Variants in MYO1D observed in about 807,000 individuals in gnomAD.
MYO1D encodes the protein unconventional myosin-Id.
MYO1D carries 83 observed loss-of-function variants against 122.0 expected under a neutral mutation model. That is an observed-to-expected ratio of 0.68 (90% CI 0.57 to 0.82). MYO1D has a LOEUF of 0.82. Ranked by LOEUF, MYO1D falls within the 40% of genes least tolerant of loss-of-function variation. The pLI is 0.00. For missense variants in MYO1D, 1,157 were observed against 1,269.5 expected (o/e 0.91, Z 1.35); for synonymous variants, 464 against 446.9 (o/e 1.04, Z -0.48).
intron 1 of MYO1D, among the ~76,000 whole-genome samples, chr17:32,795,917 C>G (rs1198610855): frequency 1.3e-5 from 2 of 151,896 alleles, no homozygotes; most frequent in Non-Finnish European, 2.9e-5. Context: ...CCGCCTGCAC[C>G]CAGGTGCTCA....
intron 21 of MYO1D, among the ~76,000 whole-genome samples, chr17:32,581,614 C>G (rs1226273324): frequency 1.3e-5 from 2 of 151,448 alleles, no homozygotes; most frequent in Non-Finnish European, 2.9e-5. Context: ...CTTTGGCTAC[C>G]CTGGCTAGAG....
intron 20 of MYO1D, among the ~76,000 whole-genome samples, chr17:32,635,428 T>C (rs1408280080): frequency 6.6e-6 from 1 of 151,860 alleles, no homozygotes; most frequent in African/African-American, 2.4e-5. Flanking sequence ...GGGCCAGGCG[T>C]GGTGGCTCAT....
chr17:32,734,938 G>A (rs1438564339), intron 14 of MYO1D: 2 of 151,894 alleles, frequency 1.3e-5, no homozygotes, highest in Non-Finnish European at 2.9e-5. Context: ...ATTTAGCTGG[G>A]TGTGGTGGCA....
intron 1 of MYO1D, among the ~76,000 whole-genome samples, chr17:32,795,870 G>A (rs144485310): frequency 8.6e-5 from 13 of 150,438 alleles, no homozygotes; most frequent in Non-Finnish European, 1.5e-4. Flanking sequence ...CCTTTGCCCC[G>A]TCCTCACTTG....
intron 16 of MYO1D, among the ~76,000 whole-genome samples, chr17:32,693,704 G>A (rs2089135201): frequency 6.6e-6 from 1 of 152,192 alleles, no homozygotes; most frequent in African/African-American, 2.4e-5. Flanking sequence ...CAAATCATCT[G>A]CTTCCAACTT....
At chr17:32,822,013 C>G (rs537933513) in intron 1 of MYO1D, among the ~76,000 whole-genome samples, 1 of 152,278 alleles carries the variant, frequency 6.6e-6, no homozygotes, top group East Asian at 1.9e-4. Flanking sequence ...ACCCAGCCAT[C>G]CCATTACTGG....
intron 16 of MYO1D, among the ~76,000 whole-genome samples, chr17:32,662,304 T>G (rs1426779891): frequency 6.6e-6 from 1 of 152,200 alleles, no homozygotes; most frequent in Non-Finnish European, 1.5e-5. Flanking sequence ...GTCTGTTTCT[T>G]GAGTTATAAA....
chr17:32,605,322 T>C, intron 20 of MYO1D, 81 bp from the exon 21 acceptor site: 1 of 1,332,906 alleles, frequency 7.5e-7, no homozygotes, highest in South Asian at 1.8e-5. Flanking sequence ...GAGCTGGGCA[T>C]GGTGGCATGT....
chr17:32,712,789 T>C (rs539569952), intron 15 of MYO1D, among the ~76,000 whole-genome samples: 1 of 152,326 alleles, frequency 6.6e-6, no homozygotes, highest in East Asian at 1.9e-4. Context: ...TGTGGGCCTC[T>C]CATTAAGGCA....
At chr17:32,843,859 T>C (rs2090908669) in intron 1 of MYO1D, among the ~76,000 whole-genome samples, 1 of 152,168 alleles carries the variant, frequency 6.6e-6, no homozygotes, top group Non-Finnish European at 1.5e-5. Flanking sequence ...TATTCTCTGT[T>C]GAAATAACAC....
intron 1 of MYO1D, among the ~76,000 whole-genome samples, chr17:32,810,554 C>T (rs1158377289): frequency 2.6e-5 from 4 of 151,592 alleles, no homozygotes; most frequent in Admixed American, 6.6e-5. Context: ...CCTGGCTCAC[C>T]GCAATCTCTG....
At chr17:32,505,951 G>A (rs940591989) in intron 21 of MYO1D, among the ~76,000 whole-genome samples, 4 of 152,194 alleles carry the variant, frequency 2.6e-5, no homozygotes, top group African/African-American at 4.8e-5. Context: ...GGACGAGGTC[G>A]CTCACGCCTG....
At chr17:32,557,189 G>T (rs1463093718) in intron 21 of MYO1D, among the ~76,000 whole-genome samples, 1 of 151,868 alleles carries the variant, frequency 6.6e-6, no homozygotes, top group East Asian at 1.9e-4. Context: ...CGTGATCTCG[G>T]CTCACTGCAA....
At chr17:32,552,203 G>A (rs1219949228) in intron 21 of MYO1D, among the ~76,000 whole-genome samples, 1 of 152,164 alleles carries the variant, frequency 6.6e-6, no homozygotes, top group African/African-American at 2.4e-5. Flanking sequence ...AGCCTCCTGA[G>A]TAGCTGGGAC....
At chr17:32,670,963 T>G (rs1235452936) in intron 16 of MYO1D, among the ~76,000 whole-genome samples, 1 of 152,212 alleles carries the variant, frequency 6.6e-6, no homozygotes, top group East Asian at 1.9e-4. Flanking sequence ...ACACTGACCC[T>G]CTGCCTGTGT....
At chr17:32,579,507 G>A (rs2087309233) in intron 21 of MYO1D, among the ~76,000 whole-genome samples, 1 of 152,068 alleles carries the variant, frequency 6.6e-6, no homozygotes, top group Non-Finnish European at 1.5e-5. Context: ...GCTTTATTAA[G>A]GCATCACTGA....
chr17:32,758,814 C>T (rs2089972916), intron 10 of MYO1D, among the ~76,000 whole-genome samples: 1 of 152,112 alleles, frequency 6.6e-6, no homozygotes, highest in African/African-American at 2.4e-5. Context: ...GTAACTGTTA[C>T]CTTGGAGTTA....
chr17:32,625,644 G>C (rs898535840), intron 20 of MYO1D, among the ~76,000 whole-genome samples: 1 of 151,988 alleles, frequency 6.6e-6, no homozygotes, highest in Non-Finnish European at 1.5e-5. Context: ...CTGCCTCCTG[G>C]GCTCAAGCAA....
chr17:32,516,721 C>A (rs1369474668), intron 21 of MYO1D, among the ~76,000 whole-genome samples: 1 of 152,240 alleles, frequency 6.6e-6, no homozygotes, highest in African/African-American at 2.4e-5. Flanking sequence ...AGGCAAATTT[C>A]CCTGCTGTGT....
Sources: gnomAD v4.1 joint callset for allele counts (sites outside exome capture counted in the v4.1 genomes callset) on GRCh38, gnomAD v4.1.1 for gene constraint, MANE v1.5 for transcripts, NCBI Gene and HGNC (gene_info 2026-07-23, HGNC 2026-07-21) for gene names.